The following RBBP8 variants were observed in gnomAD, a reference collection of about 807,000 sequenced individuals.
RBBP8 encodes the protein RB binding protein 8, endonuclease.
A neutral mutation model predicts 108.3 loss-of-function variants in RBBP8; 88 were observed. The observed-to-expected ratio is 0.81, with a 90% CI of 0.68 to 0.97. The LOEUF is 0.97. Among genes scored for constraint, RBBP8 ranks in the 50% least tolerant of loss-of-function variants. RBBP8 has a pLI of 0.00. For synonymous variants in RBBP8, 332 were observed against 348.2 expected, an observed-to-expected ratio of 0.95 and a Z score of 0.52; for missense variants, 1,023 against 1,049.0, an observed-to-expected ratio of 0.98 and a Z score of 0.34.
intron 3 of RBBP8, among the ~76,000 whole-genome samples, chr18:22,948,916 G>A (rs1911792927): frequency 6.6e-6 from 1 of 152,162 alleles, no homozygotes; most frequent in Admixed American, 6.5e-5. Context: ...TGACAACTTT[G>A]GAAGGTAATC....
At chr18:22,969,660 C>G (rs1913920382) in intron 5 of RBBP8, among the ~76,000 whole-genome samples, 1 of 152,088 alleles carries the variant, frequency 6.6e-6, no homozygotes, top group African/African-American at 2.4e-5. Context: ...ATTCTGCTCC[C>G]AGAGGTAACT....
At chr18:22,922,472 A>C (rs774308336) in intron 3 of RBBP8, among the ~76,000 whole-genome samples, 1 of 152,110 alleles carries the variant, frequency 6.6e-6, no homozygotes, top group Non-Finnish European at 1.5e-5. Flanking sequence ...TATTATTATT[A>C]ATTTTTTTGA....
Position 22,993,422 on chromosome 18 carries a change from T to A in RBBP8, c.1595T>A (p.Phe532Tyr). 6.2e-7 allele frequency: 1 copy of A among 1,614,222 alleles called. No individual in the cohort carries two copies. ...YEALKTIPKGFSSSRKASDGN... is the reference protein window; with the variant it reads ...YEALKTIPKGYSSSRKASDGN... The stretch of plus-strand genomic sequence containing the variant: ...GCTTTGAAGACCATTCCAAAGGGCT[T>A]TTCCTCAAGCCGTAAGGCCTCAGAT... The change falls in exon 11 of 19, where the codon TTT becomes TAT. Residue 532 changes from phenylalanine to tyrosine, a missense_variant. Phe to Tyr is a conservative substitution (Grantham distance 22). Transcript: ENST00000327155.
chr18:22,942,775 T>C (rs1348629848), intron 2 of RBBP8, among the ~76,000 whole-genome samples: 1 of 152,108 alleles, frequency 6.6e-6, no homozygotes, highest in Non-Finnish European at 1.5e-5. Context: ...TTAAAAATCT[T>C]TTTCAGTATC....
At chr18:23,022,663 T>TAAATAA (rs1555650173) in intron 18 of RBBP8, among the ~76,000 whole-genome samples, 1,465 of 99,280 alleles carry the variant, frequency 0.015, 224 homozygotes, top group Middle Eastern at 0.065. Context: ...TAAAATAAAA[T>TAAATAA]AAAATAAATA....
chr18:22,921,394 C>T (rs573827427), intron 3 of RBBP8, among the ~76,000 whole-genome samples: 1 of 152,312 alleles, frequency 6.6e-6, no homozygotes, highest in Admixed American at 6.5e-5. Context: ...GCATGGGTTG[C>T]TAATTTCTTA....
At position 23,005,630 on chromosome 18, in the gene RBBP8, C is replaced by G. The variant is rs2046029534; in HGVS notation, c.2288-733C>G. ...GTTTCACCATGTTGGCCAGGCTGAT[C>G]TCAAACTCCTGACCTCAGGTGATCC... On this transcript the variant is annotated intron_variant, in intron 15 of 18. Transcript: ENST00000327155. Among the ~76,000 whole-genome samples the G allele has an allele frequency of 2.0e-5, 3 of 152,012 alleles. No homozygotes were observed. In the South Asian group the frequency reaches 6.2e-4, roughly 32 times the overall value.
chr18:22,990,844 T>A (rs1363217405), intron 9 of RBBP8, 93 bp from the exon 10 acceptor site: 1 of 901,452 alleles, frequency 1.1e-6, no homozygotes, highest in Non-Finnish European at 1.8e-6. Flanking sequence ...TTTTTGAGGT[T>A]CATCTACATC....
At chr18:22,988,825 G>A (rs995132543) in intron 8 of RBBP8, among the ~76,000 whole-genome samples, 12 of 152,150 alleles carry the variant, frequency 7.9e-5, no homozygotes, top group African/African-American at 2.9e-4. Flanking sequence ...ATGCAGTGCT[G>A]ACAACCTCTC....
At chr18:23,022,642 A>AAAATAAAATAAAAT (rs1555650083) in intron 18 of RBBP8, among the ~76,000 whole-genome samples, 1 of 58,712 alleles carries the variant, frequency 1.7e-5, no homozygotes, top group East Asian at 3.4e-4. Context: ...TAAAATAAAT[A>AAAATAAAATAAAAT]AAATACAATA....
intron 10 of RBBP8, among the ~76,000 whole-genome samples, chr18:22,992,039 A>G (rs943106202): frequency 1.2e-4 from 19 of 152,340 alleles, no homozygotes; most frequent in Middle Eastern, 3.4e-3. Context: ...GATCTTACCC[A>G]GCCCACATCT....
chr18:22,945,410 G>A (rs112512591), intron 2 of RBBP8, among the ~76,000 whole-genome samples: 5,864 of 150,484 alleles, frequency 0.039, 193 homozygotes, highest in African/African-American at 0.084. Context: ...TTTTTCAGAC[G>A]GAGTTTCGCT....
At chr18:22,933,022 ACT>A (rs1910135219), upstream of RBBP8, among the ~76,000 whole-genome samples, 6 of 152,312 alleles carry the variant, frequency 3.9e-5, no homozygotes, top group African/African-American at 1.4e-4. Context: ...GGTACAGGTC[ACT>A]CTACACATGC....
At chr18:22,989,980 A>G (rs1404143030) in intron 9 of RBBP8, among the ~76,000 whole-genome samples, 5 of 152,162 alleles carry the variant, frequency 3.3e-5, no homozygotes, top group Non-Finnish European at 7.3e-5. Context: ...TACTCTTATT[A>G]AGTTGTCTTG....
intron 16 of RBBP8, among the ~76,000 whole-genome samples, chr18:23,016,026 C>T (rs879327154): frequency 6.6e-6 from 1 of 152,126 alleles, no homozygotes; most frequent in Admixed American, 6.6e-5. Context: ...TCTTGTGCCT[C>T]AGCCTCCTGA....
chr18:23,001,793 A>G (rs1408514716), intron 15 of RBBP8, 64 bp downstream of exon 15: 2 of 1,575,318 alleles, frequency 1.3e-6, no homozygotes, highest in Non-Finnish European at 1.7e-6. Context: ...TAAGTTATCA[A>G]GCTAATTAAC....
upstream of RBBP8, among the ~76,000 whole-genome samples, chr18:22,931,718 C>T (rs1050043258): frequency 5.3e-5 from 8 of 152,018 alleles, no homozygotes; most frequent in Admixed American, 2.0e-4. Flanking sequence ...AATGGGACAG[C>T]GAGCTTAAGC....
At chr18:23,023,029 T>C (rs1006837747) in intron 18 of RBBP8, among the ~76,000 whole-genome samples, 89 of 151,908 alleles carry the variant, frequency 5.9e-4, no homozygotes, top group Non-Finnish European at 8.8e-5. Context: ...TCCAAGTAGC[T>C]AGGACTACAG....
At chr18:22,915,553 T>C (rs1367391908) in intron 2 of RBBP8, 1 of 152,144 alleles carries the variant, frequency 6.6e-6, no homozygotes, top group Non-Finnish European at 1.5e-5. Flanking sequence ...CAAGCCAATA[T>C]TAATTTTATT....
Sources: gnomAD v4.1 joint callset for allele counts (sites outside exome capture counted in the v4.1 genomes callset) on GRCh38, gnomAD v4.1.1 for gene constraint, MANE v1.5 for transcripts, NCBI Gene and HGNC (gene_info 2026-07-23, HGNC 2026-07-21) for gene names.